Variants in PALM2AKAP2 observed in about 807,000 individuals in gnomAD.
The protein encoded by PALM2AKAP2 is PALM2 and AKAP2 fusion.
PALM2AKAP2 carries 37 observed loss-of-function variants against 71.5 expected under a neutral mutation model. The observed-to-expected ratio is 0.52, with a 90% CI of 0.40 to 0.68. PALM2AKAP2 has a LOEUF of 0.68. Ranked by LOEUF, PALM2AKAP2 falls within the 30% of genes least tolerant of loss-of-function variation. The pLI is 0.00. For missense variants in PALM2AKAP2, 1,224 were observed against 1,191.8 expected (o/e 1.03, Z -0.40); for synonymous variants, 468 against 478.8 (o/e 0.98, Z 0.29).
chr9:110,171,682 G>C (rs960688348), exon 4 of PALM2AKAP2: 3 of 152,376 alleles, frequency 2.0e-5, no homozygotes, highest in African/African-American at 7.2e-5. Flanking sequence ...AATCCATCGA[G>C]AGAAAGAGGC....
At chr9:109,771,716 G>C (rs548440702) in intron 1 of PALM2AKAP2, among the ~76,000 whole-genome samples, 1 of 152,156 alleles carries the variant, frequency 6.6e-6, no homozygotes, top group Non-Finnish European at 1.5e-5. Context: ...GCTCACTCTG[G>C]GGGAGTGAGA....
At chr9:109,683,210 C>A (rs1827762291) in intron 1 of PALM2AKAP2, among the ~76,000 whole-genome samples, 3 of 152,176 alleles carry the variant, frequency 2.0e-5, no homozygotes, top group Admixed American at 6.5e-5. Context: ...GTACAGCCTG[C>A]AGAATGGTGA....
chr9:109,763,326 T>C (rs1271236710), intron 1 of PALM2AKAP2, among the ~76,000 whole-genome samples: 1 of 152,116 alleles, frequency 6.6e-6, no homozygotes, highest in Admixed American at 6.5e-5. Flanking sequence ...TCCATCTCCA[T>C]AGAGCTGAGA....
At chr9:110,050,245 C>T (rs1388182007) in intron 1 of PALM2AKAP2, among the ~76,000 whole-genome samples, 2 of 152,238 alleles carry the variant, frequency 1.3e-5, no homozygotes, top group Non-Finnish European at 2.9e-5. Flanking sequence ...AAGCGCTCTT[C>T]TATCCCAACT....
upstream of PALM2AKAP2, chr9:109,780,389 G>T: frequency 6.2e-7 from 1 of 1,606,784 alleles, no homozygotes; most frequent in Non-Finnish European, 8.5e-7. Flanking sequence ...GTTCTCCCGG[G>T]TTCTAGCAAA....
At chr9:110,060,599 T>C (rs1833943342) in intron 1 of PALM2AKAP2, among the ~76,000 whole-genome samples, 1 of 150,568 alleles carries the variant, frequency 6.6e-6, no homozygotes, top group Admixed American at 6.6e-5. Context: ...GGTCCAGGAG[T>C]TTTTGTTTGT....
At chr9:110,096,587 C>T (rs1346861351) in intron 1 of PALM2AKAP2, among the ~76,000 whole-genome samples, 1 of 152,168 alleles carries the variant, frequency 6.6e-6, no homozygotes, top group African/African-American at 2.4e-5. Flanking sequence ...CTTCTGTCCC[C>T]TTGGTGGGGA....
intron 7 of PALM2AKAP2, among the ~76,000 whole-genome samples, chr9:110,029,166 C>G (rs939996637): frequency 1.3e-5 from 2 of 152,154 alleles, no homozygotes; most frequent in Admixed American, 1.3e-4. Context: ...AAACACTACC[C>G]TCTATTTGTT....
intron 6 of PALM2AKAP2, among the ~76,000 whole-genome samples, chr9:109,954,676 AAAAAAG>A (rs1327189390): frequency 2.0e-5 from 3 of 150,578 alleles, no homozygotes; most frequent in Admixed American, 6.6e-5. Context: ...AAAAAAAAAA[AAAAAAG>A]AAGTTAAGGT....
intron 3 of PALM2AKAP2, among the ~76,000 whole-genome samples, chr9:110,160,379 T>C (rs1240068164): frequency 6.6e-6 from 1 of 152,218 alleles, no homozygotes; most frequent in Non-Finnish European, 1.5e-5. Flanking sequence ...CCATTTCTGC[T>C]CAGTCATGCA....
At chr9:110,106,823 G>A (rs1056781837) in intron 1 of PALM2AKAP2, among the ~76,000 whole-genome samples, 1 of 152,288 alleles carries the variant, frequency 6.6e-6, no homozygotes, top group Non-Finnish European at 1.5e-5. Context: ...CAAATGGCTT[G>A]TTTATTAAAC....
upstream of PALM2AKAP2, among the ~76,000 whole-genome samples, chr9:110,044,791 C>T (rs556048175): frequency 4.7e-4 from 71 of 152,128 alleles, no homozygotes; most frequent in African/African-American, 1.6e-3. Flanking sequence ...ATAGTAAATT[C>T]CCTTTTATGA....
intron 6 of PALM2AKAP2, among the ~76,000 whole-genome samples, chr9:109,971,215 A>G (rs1832058151): frequency 6.7e-6 from 1 of 149,268 alleles, no homozygotes; most frequent in Non-Finnish European, 1.5e-5. Flanking sequence ...AGTAAATATC[A>G]GTGAATGAAT....
intron 1 of PALM2AKAP2, among the ~76,000 whole-genome samples, chr9:110,107,803 G>C (rs1468925651): frequency 2.0e-5 from 3 of 152,088 alleles, no homozygotes; most frequent in South Asian, 2.1e-4. Context: ...CTGGCCTCAG[G>C]CAATCTGCTT....
chr9:109,969,008 T>C (rs1399394920), intron 6 of PALM2AKAP2, among the ~76,000 whole-genome samples: 2 of 151,778 alleles, frequency 1.3e-5, no homozygotes, highest in African/African-American at 4.8e-5. Context: ...AGAAAGCAAC[T>C]GAACAGAACA....
chr9:109,894,038 A>AG (rs1830145185), intron 3 of PALM2AKAP2, among the ~76,000 whole-genome samples: 1 of 151,742 alleles, frequency 6.6e-6, no homozygotes, highest in African/African-American at 2.4e-5. Flanking sequence ...AAAAAAAAAA[A>AG]AAAAAAAGAA....
intron 2 of PALM2AKAP2, among the ~76,000 whole-genome samples, chr9:110,138,828 A>G (rs1463804492): frequency 2.0e-5 from 3 of 152,164 alleles, no homozygotes; most frequent in South Asian, 2.1e-4. Context: ...GTTCTCTTTT[A>G]CTTGAAAGCC....
chr9:109,690,393 G>A (rs764116207), intron 1 of PALM2AKAP2, among the ~76,000 whole-genome samples: 27 of 152,040 alleles, frequency 1.8e-4, no homozygotes, highest in African/African-American at 4.3e-4. Flanking sequence ...GTCTCTCTCC[G>A]TCTCTTTCTT....
chr9:110,057,306 C>T (rs1366148898), intron 1 of PALM2AKAP2, among the ~76,000 whole-genome samples: 2 of 151,818 alleles, frequency 1.3e-5, no homozygotes, highest in African/African-American at 4.8e-5. Context: ...GTCACATAAC[C>T]ATCCAGGGGT....
Sources: allele counts gnomAD v4.1 joint callset (sites outside exome capture counted in the v4.1 genomes callset), GRCh38; gene constraint gnomAD v4.1.1; transcripts MANE v1.5; gene names NCBI Gene and HGNC (gene_info 2026-07-23, HGNC 2026-07-21).